The following ABCC4 variants were observed in gnomAD, a reference collection of about 807,000 sequenced individuals.
ABCC4 encodes the protein ATP-binding cassette sub-family C member 4.
A neutral mutation model predicts 168.5 loss-of-function variants in ABCC4; 102 were observed. The observed-to-expected ratio is 0.61, with a 90% CI of 0.52 to 0.71. ABCC4 has a LOEUF of 0.71. Among genes scored for constraint, ABCC4 ranks in the 30% least tolerant of loss-of-function variants. The probability of loss-of-function intolerance (pLI) is 0.00; values close to 1 mark genes in which losing one functional copy is unlikely to be tolerated. For missense variants in ABCC4, 1,402 were observed against 1,605.8 expected, an observed-to-expected ratio of 0.87 and a Z score of 2.17; for synonymous variants, 617 against 590.7, an observed-to-expected ratio of 1.04 and a Z score of -0.65.
At chr13:95,086,796 A>G (rs1192536943) in intron 20 of ABCC4, among the ~76,000 whole-genome samples, 1 of 152,204 alleles carries the variant, frequency 6.6e-6, no homozygotes, top group Non-Finnish European at 1.5e-5. Context: ...ACCTTCTATT[A>G]GGTACAAGAT....
At chr13:95,249,229 A>AAAG (rs60651392) in intron 1 of ABCC4, among the ~76,000 whole-genome samples, 130,662 of 148,518 alleles carry the variant, frequency 0.88, 57,519 homozygotes, top group African/African-American at 0.91. Flanking sequence ...AAAAAAAAAA[A>AAAG]AAGAAGAAGA....
intron 8 of ABCC4, among the ~76,000 whole-genome samples, chr13:95,195,490 C>T (rs2038387369): frequency 6.6e-6 from 1 of 152,198 alleles, no homozygotes; most frequent in African/African-American, 2.4e-5. Flanking sequence ...ATTCAACTGG[C>T]CTTCTCCTCC....
In ABCC4 at chr13:95,074,232, A is replaced by T; in HGVS notation, c.2899T>A (p.Ser967Thr). 1 of 1,613,794 alleles carries T rather than the reference A, an allele frequency of 6.2e-7. No homozygotes were observed. The highest frequency in any genetic ancestry group is 8.5e-7 in the Non-Finnish European group (1 of 1,179,844). The change falls in exon 23 of 31, where the codon TCC becomes ACC. Residue 967 changes from serine (S) to threonine (T), a missense_variant. Around this residue, in one of 3 missense-constraint regions of ABCC4, gnomAD observed 1,007 missense variants for 1,127.3 expected, o/e 0.89. Transcript: ENST00000645237. The part of the protein sequence containing the change: ...AMFVIIVAFG[S>T]LILAKTLDAG... The stretch of plus-strand genomic sequence containing the variant: ...TACTTACTTTTTGCCAGAATCAGGG[A>T]CCCAAAGGCAACGATGATGACAAAC...
chr13:95,284,217 C>CA (rs1379249726), intron 1 of ABCC4, among the ~76,000 whole-genome samples: 1 of 151,998 alleles, frequency 6.6e-6, no homozygotes, highest in Non-Finnish European at 1.5e-5. Flanking sequence ...GACAGGGTCT[C>CA]ACTGTGTTGT....
At chr13:95,242,735 T>C (rs1270415641) in intron 3 of ABCC4, among the ~76,000 whole-genome samples, 1 of 152,240 alleles carries the variant, frequency 6.6e-6, no homozygotes, top group African/African-American at 2.4e-5. Context: ...GAAATGCTTT[T>C]GAGATGTTAC....
At chr13:95,244,190 G>A (rs1172763054) in intron 3 of ABCC4, among the ~76,000 whole-genome samples, 1 of 152,140 alleles carries the variant, frequency 6.6e-6, no homozygotes, top group East Asian at 1.9e-4. Flanking sequence ...AGGTCCCTAA[G>A]TCAGCGCTCC....
rs1425549502 is a variant in ABCC4, at chr13:95,163,221, G to T, written c.2214-5C>A. 4.5e-6 allele frequency: 7 copies of T among 1,558,594 alleles called. No homozygotes were observed. Among genetic ancestry groups the T allele is most frequent in the Non-Finnish European group, 6.1e-6 (7 of 1,142,554 alleles). On this transcript the variant is annotated splice_region_variant and splice_polypyrimidine_tract_variant and intron_variant, in intron 17 of 30. Transcript: ENST00000645237. Reference sequence around the variant, plus strand: ...AGCATACTTTGTTTGTTTGCCCTATGGAACATGGGGAGAAAAAAATATTAA... The same window carrying T: ...AGCATACTTTGTTTGTTTGCCCTATTGAACATGGGGAGAAAAAAATATTAA...
chr13:95,208,608 CTTTTTTTTTTTTTTTTTTTTT>C lies in ABCC4; in HGVS notation c.786-704_786-684del, dbSNP rs58749262. 2.9e-3 allele frequency among the ~76,000 whole-genome samples: 218 copies of C among 74,666 alleles called. 4 individuals are homozygous for C. In the Middle Eastern group the frequency reaches 0.032, roughly 11 times the overall value. The allele number at this position is 74,666 out of a possible 152,430, so 49.0% of individuals were successfully genotyped here. On this transcript the variant is annotated intron_variant, in intron 6 of 30. Transcript: ENST00000645237. ...AATCTCTTGATCAAAAGCTGTATTT[CTTTTTTTTTTTTTTTTTTTTT>C]TTTTTTTTTGAGACAGAGTCTCACT... is the stretch of plus-strand genomic sequence containing the variant.
Position 95,019,875 on chromosome 13 carries a change from T to G in ABCC4, c.*1700A>C, listed in dbSNP as rs985141925. The G allele has an allele frequency of 1.3e-5, 2 of 152,226 alleles. No individual in the cohort carries two copies. The highest frequency in any genetic ancestry group is 4.8e-5 in the African/African-American group (2 of 41,470). 9.4% of individuals were successfully genotyped at this position (152,226 alleles called of 1,614,324 possible). A position where few individuals can be genotyped will look rare whatever the true frequency, so the allele number is the denominator to read the frequency against. ...TCATTTATTTCAATTGAATTTAGTT[T>G]CATTAAAAAATTCTATGATAACATT... On this transcript the variant is annotated 3_prime_UTR_variant, in exon 31 of 31. Coordinates refer to ENST00000645237, the MANE Select transcript of ABCC4 (RefSeq NM_005845.5).
chr13:95,139,921 T>C lies in ABCC4; in HGVS notation c.2455+21268A>G, dbSNP rs140141972. On this transcript the variant is annotated intron_variant, in intron 19 of 30. Coordinates refer to ENST00000645237, the MANE Select transcript of ABCC4 (RefSeq NM_005845.5). ...TCCCTTGGCACGAAGCTGGCAACCA[T>C]GCAGATGGAAGGCTTCCCACTGATT... 2.1e-3 allele frequency among the ~76,000 whole-genome samples: 319 copies of C among 152,306 alleles called. 3 individuals are homozygous for C. Among genetic ancestry groups the C allele is most frequent in the African/African-American group, 7.4e-3 (307 of 41,568 alleles).
At chr13:95,063,239 G>A (rs891905725) in intron 25 of ABCC4, among the ~76,000 whole-genome samples, 1 of 152,200 alleles carries the variant, frequency 6.6e-6, no homozygotes, top group Admixed American at 6.5e-5. Context: ...GCATTGAAAA[G>A]TCAACAGTCT....
chr13:95,169,079 C>T (rs1332251783), intron 14 of ABCC4, among the ~76,000 whole-genome samples: 1 of 152,162 alleles, frequency 6.6e-6, no homozygotes, highest in East Asian at 1.9e-4. Context: ...CAAGGATCAA[C>T]AGTGAGTGCC....
At chr13:95,162,545 A>G (rs1032446748) in intron 18 of ABCC4, among the ~76,000 whole-genome samples, 3 of 152,350 alleles carry the variant, frequency 2.0e-5, no homozygotes, top group Admixed American at 6.5e-5. Context: ...TCTCAAGGTA[A>G]GAAATAGAAG....
Position 95,176,964 on chromosome 13 carries a change from C to T in ABCC4, c.1727+743G>A, listed in dbSNP as rs541500348. Among the ~76,000 whole-genome samples, 25 of 152,306 alleles carry T rather than the reference C, an allele frequency of 1.6e-4. No homozygotes were observed. The South Asian group carries it at 3.7e-3, about 23-fold the overall frequency. ...CCAGAGTAGTTCTACCTCCATGGCT[C>T]AGTGTCTAAGCAAGAGCCAAAGAAA... On this transcript the variant is annotated intron_variant, in intron 13 of 30. Coordinates refer to ENST00000645237, the MANE Select transcript of ABCC4 (RefSeq NM_005845.5).
At chr13:95,133,015 C>T (rs901988980) in intron 19 of ABCC4, among the ~76,000 whole-genome samples, 2 of 150,982 alleles carry the variant, frequency 1.3e-5, no homozygotes, top group African/African-American at 4.9e-5. Context: ...CACAATAATG[C>T]AAATGTACTT....
At chr13:95,192,087 T>C (rs757379812) in intron 9 of ABCC4, among the ~76,000 whole-genome samples, 1 of 152,212 alleles carries the variant, frequency 6.6e-6, no homozygotes, top group Admixed American at 6.5e-5. Flanking sequence ...CCCTTCCCCA[T>C]GGAGAGTCAC....
At chr13:95,280,572 TAAAAAAAAAA>T (rs61654581) in intron 1 of ABCC4, among the ~76,000 whole-genome samples, 1 of 131,034 alleles carries the variant, frequency 7.6e-6, no homozygotes, top group Non-Finnish European at 1.6e-5. Flanking sequence ...TGCCTTCTAT[TAAAAAAAAAA>T]AAAAAAAAAA....
At chr13:95,268,856 G>A (rs1679452415) in intron 1 of ABCC4, among the ~76,000 whole-genome samples, 1 of 151,876 alleles carries the variant, frequency 6.6e-6, no homozygotes, top group South Asian at 2.1e-4. Flanking sequence ...CGCGGGTCCT[G>A]GCGCGGGTTC....
At chr13:95,123,910 G>A (rs1020804981) in intron 19 of ABCC4, among the ~76,000 whole-genome samples, 1 of 152,196 alleles carries the variant, frequency 6.6e-6, no homozygotes, top group Non-Finnish European at 1.5e-5. Flanking sequence ...TTTGGAAAGA[G>A]GGAAGAGAAT....
Sources: gnomAD v4.1 joint callset for allele counts (sites outside exome capture counted in the v4.1 genomes callset) on GRCh38, gnomAD v4.1.1 for gene constraint, gnomAD v4.1.1 regional missense constraint, MANE v1.5 for transcripts, NCBI Gene and HGNC (gene_info 2026-07-23, HGNC 2026-07-21) for gene names.